The following LRP1B variants were observed in gnomAD, a reference collection of about 807,000 sequenced individuals.
The protein encoded by LRP1B is low-density lipoprotein receptor-related protein 1B.
In LRP1B, 217 loss-of-function variants were observed where a neutral mutation model predicts 556.6. That is an observed-to-expected ratio of 0.39 (90% CI 0.35 to 0.44). The LOEUF (loss-of-function observed/expected upper bound fraction) is 0.44, where lower values mean the gene tolerates loss of function less well. LRP1B is among the 20% of genes least tolerant of loss of function. LRP1B has a pLI of 1.00. For missense variants in LRP1B, 5,053 were observed against 5,620.8 expected, an observed-to-expected ratio of 0.90 and a Z score of 3.23; for synonymous variants, 2,047 against 1,865.8, an observed-to-expected ratio of 1.10 and a Z score of -2.50.
intron 7 of LRP1B, among the ~76,000 whole-genome samples, chr2:141,140,621 A>G (rs1198033794): frequency 6.6e-6 from 1 of 152,156 alleles, no homozygotes; most frequent in Non-Finnish European, 1.5e-5. Flanking sequence ...AGGACACAGC[A>G]AGATGGCAGC....
intron 3 of LRP1B, among the ~76,000 whole-genome samples, chr2:141,383,450 G>A (rs953896897): frequency 9.9e-5 from 15 of 152,088 alleles, no homozygotes; most frequent in Non-Finnish European, 2.1e-4. Flanking sequence ...GCCAGGTTAT[G>A]GAAATAACGT....
At chr2:141,372,923 C>T (rs1450792031) in intron 3 of LRP1B, among the ~76,000 whole-genome samples, 1 of 151,824 alleles carries the variant, frequency 6.6e-6, no homozygotes, top group Non-Finnish European at 1.5e-5. Flanking sequence ...TTGGTTCGTT[C>T]TTGTTTTTTC....
intron 84 of LRP1B, among the ~76,000 whole-genome samples, chr2:140,288,375 T>A (rs915848683): frequency 2.0e-5 from 3 of 151,808 alleles, no homozygotes; most frequent in African/African-American, 7.2e-5. Flanking sequence ...GAATTTAATT[T>A]CTTCTCTTTA....
chr2:141,535,550 A>G (rs1685044087), intron 2 of LRP1B, among the ~76,000 whole-genome samples: 1 of 151,488 alleles, frequency 6.6e-6, no homozygotes, highest in Non-Finnish European at 1.5e-5. Context: ...AAAAAAAAAA[A>G]AGAAGTAAAT....
At chr2:142,003,918 T>C (rs1377466832) in intron 1 of LRP1B, among the ~76,000 whole-genome samples, 1 of 152,230 alleles carries the variant, frequency 6.6e-6, no homozygotes, top group African/African-American at 2.4e-5. Flanking sequence ...TTCACTTTTG[T>C]GGAGCTTAGT....
intron 35 of LRP1B, among the ~76,000 whole-genome samples, chr2:140,763,243 A>G (rs1688991250): frequency 6.6e-6 from 1 of 152,118 alleles, no homozygotes; most frequent in African/African-American, 2.4e-5. Flanking sequence ...AATTGAAGTA[A>G]CCATGCCTTT....
intron 11 of LRP1B, among the ~76,000 whole-genome samples, chr2:141,022,289 G>T (rs1423094818): frequency 3.4e-5 from 5 of 146,722 alleles, no homozygotes; most frequent in Admixed American, 6.8e-5. Context: ...TTTGTGCTTT[G>T]ATTTTTTTTT....
chr2:141,616,412 C>A (rs72978036), intron 2 of LRP1B, among the ~76,000 whole-genome samples: 4,113 of 152,172 alleles, frequency 0.027, 199 homozygotes, highest in African/African-American at 0.091. Context: ...TCCTCAGTAA[C>A]TTTCATACGT....
chr2:140,390,171 G>A (rs1683953994), intron 66 of LRP1B, among the ~76,000 whole-genome samples: 1 of 151,952 alleles, frequency 6.6e-6, no homozygotes, highest in Non-Finnish European at 1.5e-5. Context: ...TGCAAAGGTT[G>A]TAGAATAATC....
At position 140,238,283 on chromosome 2, in the gene LRP1B, T is replaced by C. The variant is rs1472883518; in HGVS notation, c.13429A>G (p.Arg4477Gly). 6.5e-7 allele frequency: 1 copy of C among 1,539,006 alleles called. No individual in the cohort carries two copies. Among genetic ancestry groups the C allele is most frequent in the East Asian group, 2.3e-5 (1 of 43,870 alleles). Reference sequence around the variant, plus strand: ...CCTCCATTGATAATAGGTTGTCTTCTAATTGTTTTTGTCCTAGAATATATA... The same window carrying C: ...CCTCCATTGATAATAGGTTGTCTTCCAATTGTTTTTGTCCTAGAATATATA... ...CKRKRRTKTIRRQPIINGGIN... is the reference protein window; with the variant it reads ...CKRKRRTKTIGRQPIINGGIN... The change falls in exon 89 of 91, where the codon AGA becomes GGA. Residue 4477 changes from arginine (R) to glycine (G), a missense_variant. Arg to Gly is a moderately radical substitution (Grantham distance 125). This residue lies in a region of LRP1B where 551 missense variants were observed against 592.0 expected (regional missense o/e 0.93). Coordinates refer to ENST00000389484, the MANE Select transcript of LRP1B (RefSeq NM_018557.3).
intron 7 of LRP1B, among the ~76,000 whole-genome samples, chr2:141,165,691 C>T (rs1164849058): frequency 1.3e-5 from 2 of 151,772 alleles, no homozygotes; most frequent in Non-Finnish European, 2.9e-5. Context: ...ATTGGAATAA[C>T]AATAGCAAAG....
intron 83 of LRP1B, among the ~76,000 whole-genome samples, chr2:140,305,431 G>T (rs1054282885): frequency 6.6e-6 from 1 of 152,148 alleles, no homozygotes; most frequent in African/African-American, 2.4e-5. Flanking sequence ...GTGAATGGGA[G>T]TTCACTCATG....
intron 1 of LRP1B, among the ~76,000 whole-genome samples, chr2:141,887,073 G>A (rs1286298560): frequency 6.6e-6 from 1 of 151,478 alleles, no homozygotes; most frequent in Admixed American, 6.6e-5. Flanking sequence ...TTGGCTCACT[G>A]CAACCTCCAC....
chr2:141,052,168 C>A (rs6755234), intron 10 of LRP1B, among the ~76,000 whole-genome samples: 130,949 of 151,964 alleles, frequency 0.86, 56,817 homozygotes, highest in Non-Finnish European at 0.91. Flanking sequence ...AATAAAGTAC[C>A]TTAACATCCT....
intron 1 of LRP1B, among the ~76,000 whole-genome samples, chr2:141,918,027 A>T (rs1231085007): frequency 6.6e-6 from 1 of 152,106 alleles, no homozygotes; most frequent in Non-Finnish European, 1.5e-5. Flanking sequence ...ATATGAAGGG[A>T]TATCCATGTT....
intron 1 of LRP1B, among the ~76,000 whole-genome samples, chr2:141,979,944 T>C (rs1701997061): frequency 1.3e-5 from 2 of 152,154 alleles, no homozygotes; most frequent in South Asian, 4.1e-4. Context: ...TTTTACTCTG[T>C]CATGTCTGTT....
chr2:140,263,615 T>C (rs1349548334), intron 86 of LRP1B, among the ~76,000 whole-genome samples: 1 of 152,130 alleles, frequency 6.6e-6, no homozygotes, highest in Non-Finnish European at 1.5e-5. Flanking sequence ...GTAAGATTAA[T>C]CGCTTGCAGT....
rs191574285 is a variant in LRP1B at position 141,625,034 on chromosome 2, C to A, written c.206-144501G>T. On this transcript the variant is annotated intron_variant, in intron 2 of 90. Transcript: ENST00000389484. ...CCGCCCGCCTCAGCCTCCCAAAGTG[C>A]TGGGATTACAGGCGTGAGCCACCGC... Among the ~76,000 whole-genome samples, 149 of 152,290 alleles carry A rather than the reference C, an allele frequency of 9.8e-4. 1 individual carries two copies. Among genetic ancestry groups the A allele is most frequent in the African/African-American group, 3.3e-3 (139 of 41,582 alleles).
At chr2:142,028,168 A>G (rs1262849582) in intron 1 of LRP1B, among the ~76,000 whole-genome samples, 1 of 152,010 alleles carries the variant, frequency 6.6e-6, no homozygotes, top group Non-Finnish European at 1.5e-5. Flanking sequence ...GAGAGGGGAT[A>G]TTTTGTTTGG....
Sources: allele counts gnomAD v4.1 joint callset (sites outside exome capture counted in the v4.1 genomes callset), GRCh38; gene constraint gnomAD v4.1.1; regional missense constraint gnomAD v4.1.1; transcripts MANE v1.5; gene names NCBI Gene and HGNC (gene_info 2026-07-23, HGNC 2026-07-21).